Variants in AKAIN1 observed in about 807,000 individuals in gnomAD.
The protein encoded by AKAIN1 is A-kinase anchor inhibitor 1, also known as A-kinase anchor protein inhibitor 1.
In AKAIN1, 3 loss-of-function variants were observed where a neutral mutation model predicts 3.7. The observed-to-expected ratio is 0.82, with a 90% CI of 0.37 to 2.12. The LOEUF is 2.12. Ranked by LOEUF, AKAIN1 falls within the 30% of genes most tolerant of loss-of-function variation. The pLI is 0.06. For synonymous variants in AKAIN1, 31 were observed against 30.8 expected (o/e 1.01, Z -0.02); for missense variants, 82 against 82.7 (o/e 0.99, Z 0.03).
Position 5,177,563 on chromosome 18 carries a change from T to C in AKAIN1, c.16+19475A>G, listed in dbSNP as rs190446841. The stretch of plus-strand genomic sequence containing the variant: ...CTTTTATAGAAGTTTGACAAACATT[T>C]AGGCAATTCAATCCCAGAACCCTCT... On this transcript the variant is annotated intron_variant, in intron 1 of 1. Transcript: ENST00000434239. Among the ~76,000 whole-genome samples, 339 of 152,238 alleles carry C rather than the reference T, an allele frequency of 2.2e-3. 4 individuals carry two copies. Among genetic ancestry groups the C allele is most frequent in the Admixed American group, 0.016 (247 of 15,280 alleles).
At chr18:5,173,492 T>C (rs1352179791) in intron 1 of AKAIN1, among the ~76,000 whole-genome samples, 1 of 152,174 alleles carries the variant, frequency 6.6e-6, no homozygotes, top group African/African-American at 2.4e-5. Flanking sequence ...AATAAAATAA[T>C]GTGCTTTCCT....
At chr18:5,152,571 T>G (rs546368688) in intron 1 of AKAIN1, among the ~76,000 whole-genome samples, 1 of 152,178 alleles carries the variant, frequency 6.6e-6, no homozygotes, top group Non-Finnish European at 1.5e-5. Flanking sequence ...CTCCACGTAT[T>G]GACTTGCCAT....
At chr18:5,188,873 T>G (rs987771572) in intron 1 of AKAIN1, among the ~76,000 whole-genome samples, 4 of 152,180 alleles carry the variant, frequency 2.6e-5, no homozygotes, top group African/African-American at 4.8e-5. Flanking sequence ...AATAAAGGCT[T>G]GCCTGAACTT....
intron 1 of AKAIN1, among the ~76,000 whole-genome samples, chr18:5,155,314 G>A (rs1019755546): frequency 6.6e-6 from 1 of 152,154 alleles, no homozygotes; most frequent in African/African-American, 2.4e-5. Context: ...TCCACTCTGG[G>A]CTCATGCTAA....
chr18:5,176,171 G>C (rs2071225114), intron 1 of AKAIN1, among the ~76,000 whole-genome samples: 1 of 152,108 alleles, frequency 6.6e-6, no homozygotes, highest in Admixed American at 6.6e-5. Context: ...GGGCACGGTG[G>C]CTCACGCATG....
At chr18:5,148,703 A>C (rs139303418) in intron 1 of AKAIN1, among the ~76,000 whole-genome samples, 1 of 152,096 alleles carries the variant, frequency 6.6e-6, no homozygotes, top group African/African-American at 2.4e-5. Context: ...TAAAACACAA[A>C]AAGATTAGTC....
chr18:5,177,826 C>A (rs2071234782), intron 1 of AKAIN1, among the ~76,000 whole-genome samples: 1 of 152,058 alleles, frequency 6.6e-6, no homozygotes, highest in Admixed American at 6.6e-5. Context: ...AAATGTGGCA[C>A]TAAGAACACT....
At chr18:5,183,070 T>C (rs1039570641) in intron 1 of AKAIN1, among the ~76,000 whole-genome samples, 2 of 152,088 alleles carry the variant, frequency 1.3e-5, no homozygotes, top group African/African-American at 4.8e-5. Context: ...GTGGCCCAAC[T>C]TTCAAATCCT....
chr18:5,161,452 G>A (rs926656792), intron 1 of AKAIN1, among the ~76,000 whole-genome samples: 1 of 152,012 alleles, frequency 6.6e-6, no homozygotes, highest in African/African-American at 2.4e-5. Context: ...CATATACAAT[G>A]ATTGCATCTC....
At chr18:5,188,193 C>T (rs1251848128) in intron 1 of AKAIN1, among the ~76,000 whole-genome samples, 1 of 152,070 alleles carries the variant, frequency 6.6e-6, no homozygotes, top group Non-Finnish European at 1.5e-5. Context: ...TTTTGGTGGG[C>T]TCAGTTCATG....
chr18:5,190,166 T>C (rs908185202), intron 1 of AKAIN1, among the ~76,000 whole-genome samples: 1 of 152,168 alleles, frequency 6.6e-6, no homozygotes, highest in Admixed American at 6.6e-5. Flanking sequence ...CGATAACTAA[T>C]TACTCACTCT....
chr18:5,145,708 T>C lies in AKAIN1; in HGVS notation c.64A>G (p.Ser22Gly). Residue 22 changes from serine to glycine, a missense_variant, in exon 2 of 2, where the codon AGC becomes GGC. Transcript: ENST00000434239. Reference sequence around the variant, plus strand: ...ATTGCATTCTGCACAATCTGTTTGCTGGCATTCTGCAGCTTCACCTCTTCA... The same window carrying C: ...ATTGCATTCTGCACAATCTGTTTGCCGGCATTCTGCAGCTTCACCTCTTCA... The part of the protein sequence containing the change: ...EPEEVKLQNA[S>G]KQIVQNAILQ... 1 of 1,551,610 alleles carries C rather than the reference T, an allele frequency of 6.4e-7. No individual in the cohort carries two copies. Among genetic ancestry groups the C allele is most frequent in the Non-Finnish European group, 8.7e-7 (1 of 1,146,900 alleles).
chr18:5,145,748 T>C lies in AKAIN1; in HGVS notation c.24A>G (p.Lys8=). 2 of 1,549,218 alleles carry C rather than the reference T, an allele frequency of 1.3e-6. No individual in the cohort carries two copies. Among genetic ancestry groups the C allele is most frequent in the East Asian group, 2.4e-5 (1 of 40,864 alleles). MVFAPGE[K]PGNEPEEVKL... is the part of the protein sequence containing the mutation. The stretch of plus-strand genomic sequence containing the variant: ...TCACCTCTTCAGGCTCATTTCCAGG[T>C]TTCTCACCTAGCCAAAAACATGAAA... Residue 8 remains lysine (K), a synonymous_variant, in exon 2 of 2, where the codon AAA becomes AAG. Transcript: ENST00000434239.
In AKAIN1 at chr18:5,177,439, G is replaced by A. The variant is rs574979818; in HGVS notation, c.16+19599C>T. Among the ~76,000 whole-genome samples, 15 of 151,770 alleles carry A rather than the reference G, an allele frequency of 9.9e-5. No individual in the cohort carries two copies. The South Asian group carries it at 1.5e-3, about 15-fold the overall frequency. ...TCCTATGCCATGATTCCTGTACACC[G>A]GCCTTATTTTTTAGGGGATGAAGAC... is the stretch of plus-strand genomic sequence containing the variant. On this transcript the variant is annotated intron_variant, in intron 1 of 1. Coordinates refer to ENST00000434239, the MANE Select transcript of AKAIN1 (RefSeq NM_001145194.2).
At chr18:5,167,299 A>T (rs961886431) in intron 1 of AKAIN1, among the ~76,000 whole-genome samples, 1 of 152,110 alleles carries the variant, frequency 6.6e-6, no homozygotes, top group African/African-American at 2.4e-5. Context: ...ACACATTCAC[A>T]TCCCAACCAG....
Position 5,178,496 on chromosome 18 carries a change from T to C in AKAIN1, c.16+18542A>G, listed in dbSNP as rs60546389. ...CTAGGCTTGAGGGGAAAGGCCCCTA[T>C]ATGAGCAGCAGAGTTAGAATCTTCT... On this transcript the variant is annotated intron_variant, in intron 1 of 1. Coordinates refer to ENST00000434239, the MANE Select transcript of AKAIN1 (RefSeq NM_001145194.2). Among the ~76,000 whole-genome samples, 310 of 152,262 alleles carry C rather than the reference T, an allele frequency of 2.0e-3. 2 individuals are homozygous for C. The highest frequency in any genetic ancestry group is 7.1e-3 in the African/African-American group (295 of 41,570).
Position 5,145,426 on chromosome 18 carries a change from G to C in AKAIN1, c.*136C>G. ...TTTCAAAACAGTGCTTCTCAGCCAG[G>C]GGCTAGTGTGAATTCATTCTACAGC... On this transcript the variant is annotated 3_prime_UTR_variant, in exon 2 of 2. Coordinates refer to ENST00000434239, the MANE Select transcript of AKAIN1 (RefSeq NM_001145194.2). 1.5e-6 allele frequency: 1 copy of C among 659,820 alleles called. No homozygotes were observed. The highest frequency in any genetic ancestry group is 2.2e-5 in the South Asian group (1 of 46,010). The allele number at this position is 659,820 out of a possible 1,614,324, so 40.9% of individuals were successfully genotyped here. A position where few individuals can be genotyped will look rare whatever the true frequency, so the allele number is the denominator to read the frequency against.
upstream of AKAIN1, chr18:5,197,292 TC>T: frequency 7.3e-7 from 1 of 1,367,694 alleles, no homozygotes; most frequent in Non-Finnish European, 9.4e-7. This position sits in a 1 kb window ranked among gnomAD's most constrained non-coding sequence, Gnocchi z 6.9. Flanking sequence ...GGAGGGTGAA[TC>T]CCCGCTCAGT....
chr18:5,179,351 G>C (rs1417388529), intron 1 of AKAIN1, among the ~76,000 whole-genome samples: 1 of 151,938 alleles, frequency 6.6e-6, no homozygotes, highest in African/African-American at 2.4e-5. Flanking sequence ...TCTAGTTCCA[G>C]TCATGTTGCC....
Sources: gnomAD v4.1 joint callset for allele counts (sites outside exome capture counted in the v4.1 genomes callset) on GRCh38, gnomAD v4.1.1 for gene constraint, Gnocchi (gnomAD v3.1) non-coding constraint, MANE v1.5 for transcripts, NCBI Gene and HGNC (gene_info 2026-07-23, HGNC 2026-07-21) for gene names.